Variants in PWWP3B observed in about 807,000 individuals in gnomAD.
The protein encoded by PWWP3B is PWWP domain containing 3B, also known as PWWP domain-containing DNA repair factor 3B.
PWWP3B carries 5 observed loss-of-function variants against 15.7 expected under a neutral mutation model. The observed-to-expected ratio is 0.32, with a 90% CI of 0.17 to 0.67. The LOEUF (loss-of-function observed/expected upper bound fraction) is 0.67. Ranked by LOEUF, PWWP3B falls within the 30% of genes least tolerant of loss-of-function variation. The pLI is 0.74. For missense variants in PWWP3B, 519 were observed against 493.1 expected (o/e 1.05, Z -0.50); for synonymous variants, 203 against 179.8 (o/e 1.13, Z -1.03).
At chrX:106,184,510 C>G (rs916871037) in intron 2 of PWWP3B, among the ~76,000 whole-genome samples, 2 of 111,436 alleles carry the variant, frequency 1.8e-5, no homozygotes, top group Admixed American at 1.9e-4. Context: ...CAGTAGGGAT[C>G]CATTACCGGG....
chrX:106,195,939 C>G (rs1923350860), intron 2 of PWWP3B, among the ~76,000 whole-genome samples: 1 of 111,387 alleles, frequency 9.0e-6, no homozygotes, highest in Admixed American at 9.6e-5. Context: ...TGGTATATTT[C>G]TCTATTTATT....
At chrX:106,192,969 G>A (rs1018954801) in intron 2 of PWWP3B, among the ~76,000 whole-genome samples, 17 of 111,399 alleles carry the variant, frequency 1.5e-4, no homozygotes, top group Non-Finnish European at 2.6e-4. Flanking sequence ...CAACTATGTG[G>A]TCAATTTTGG....
chrX:106,203,750 A>T (rs1179854662), intron 2 of PWWP3B, among the ~76,000 whole-genome samples: 1 of 111,762 alleles, frequency 8.9e-6, no homozygotes, highest in Admixed American at 9.5e-5. Flanking sequence ...TCTCCACTCC[A>T]CCATACTTTT....
At chrX:106,183,078 A>G (rs776441134) in intron 2 of PWWP3B, among the ~76,000 whole-genome samples, 1 of 110,887 alleles carries the variant, frequency 9.0e-6, no homozygotes, top group Non-Finnish European at 1.9e-5. Flanking sequence ...GGTGAATCCA[A>G]GATTCCACTC....
chrX:106,171,929 G>A (rs755594540), intron 2 of PWWP3B, among the ~76,000 whole-genome samples: 4 of 110,442 alleles, frequency 3.6e-5, no homozygotes, highest in Non-Finnish European at 5.7e-5. Flanking sequence ...CCTATTTTAC[G>A]ATTAACATTT....
At chrX:106,203,007 ATT>A (rs1403825753) in intron 2 of PWWP3B, among the ~76,000 whole-genome samples, 1 of 111,381 alleles carries the variant, frequency 9.0e-6, no homozygotes, top group African/African-American at 3.3e-5. Flanking sequence ...TCGGGGAAAT[ATT>A]GAGATAAATG....
chrX:106,174,071 G>A (rs1921761634), intron 2 of PWWP3B, among the ~76,000 whole-genome samples: 1 of 112,109 alleles, frequency 8.9e-6, no homozygotes. Context: ...TCATTTTAAA[G>A]TTGCTTACCA....
chrX:106,181,330 G>A (rs748884311), intron 2 of PWWP3B, among the ~76,000 whole-genome samples: 6 of 111,422 alleles, frequency 5.4e-5, no homozygotes, highest in East Asian at 2.8e-4. Flanking sequence ...ATTTGTCCCC[G>A]CCCACGTCGT....
At chrX:106,173,752 T>A (rs776085516) in intron 2 of PWWP3B, among the ~76,000 whole-genome samples, 1 of 111,920 alleles carries the variant, frequency 8.9e-6, no homozygotes, top group South Asian at 3.7e-4. Context: ...ATTGTATTTT[T>A]AAATATATTA....
rs1392828635 is a variant in PWWP3B at position 106,204,839 on chromosome X, T to C, written c.-214-380T>C. Among the ~76,000 whole-genome samples, 7 of 111,835 alleles carry C rather than the reference T, an allele frequency of 6.3e-5. No individual in the cohort carries two copies. The South Asian group carries it at 1.5e-3, about 24-fold the overall frequency. On this transcript the variant is annotated intron_variant, in intron 3 of 3. Transcript: ENST00000357175. ...GAAATATAAGTCCTTCAGATGATTC[T>C]GACACATGTTAAGTTTGGAGACCCA...
At position 106,207,480 on chromosome X, in the gene PWWP3B, T is replaced by C. The variant is rs1195544307; in HGVS notation, c.2048T>C (p.Ile683Thr). Reference sequence around the variant, plus strand: ...AGAGAATTATTTGATGCAAAAATAATATATGAAAAGAGACGAAAAGCACCA... The same window carrying C: ...AGAGAATTATTTGATGCAAAAATAACATATGAAAAGAGACGAAAAGCACCA... ...RERELFDAKI[I>T]YEKRRKAPTN... The change falls in exon 4 of 4, where the codon ATA becomes ACA. Residue 683 changes from isoleucine (I) to threonine (T), a missense_variant. Ile to Thr is a moderately conservative substitution (Grantham distance 89, BLOSUM62 -1). Coordinates refer to ENST00000357175, the MANE Select transcript of PWWP3B (RefSeq NM_001171020.2). 2.6e-6 allele frequency: 3 copies of C among 1,153,417 alleles called. No individual in the cohort carries two copies. The highest frequency in any genetic ancestry group is 3.3e-5 in the East Asian group (1 of 30,616).
chrX:106,179,308 C>T (rs1207323161), intron 2 of PWWP3B, among the ~76,000 whole-genome samples: 4 of 111,868 alleles, frequency 3.6e-5, no homozygotes, highest in Non-Finnish European at 7.5e-5. Context: ...ATTGTCCTTT[C>T]CCTTCTCTCC....
intron 2 of PWWP3B, among the ~76,000 whole-genome samples, chrX:106,173,998 C>T (rs1019752325): frequency 1.8e-5 from 2 of 111,680 alleles, no homozygotes; most frequent in Non-Finnish European, 3.8e-5. Flanking sequence ...TGGTGATAAA[C>T]TCTTACAAGC....
intron 2 of PWWP3B, among the ~76,000 whole-genome samples, chrX:106,203,652 C>T (rs1602871608): frequency 8.9e-6 from 1 of 111,973 alleles, no homozygotes; most frequent in East Asian, 2.8e-4. Context: ...AAGAAAAATT[C>T]CACATGATAA....
chrX:106,203,254 A>G (rs992744160), intron 2 of PWWP3B, among the ~76,000 whole-genome samples: 10 of 111,820 alleles, frequency 8.9e-5, no homozygotes, highest in Non-Finnish European at 1.7e-4. Context: ...ACCTTTTTGC[A>G]TCTTCTCAAT....
chrX:106,207,366 T>G lies in PWWP3B; in HGVS notation c.1934T>G (p.Ile645Ser). ...FILEVLLPEAIICSISAVDGL... is the reference protein window; with the variant it reads ...FILEVLLPEASICSISAVDGL... ...CTAGAAGTTCTTCTGCCAGAAGCAA[T>G]TATTTGTTCAATTTCTGCTGTTGAT... Residue 645 changes from isoleucine to serine, a missense_variant, in exon 4 of 4, where the codon ATT (isoleucine) becomes AGT (serine). By Grantham distance (142) the Ile-to-Ser change is moderately radical. Transcript: ENST00000357175. 1 of 1,182,036 alleles carries G rather than the reference T, an allele frequency of 8.5e-7. No individual in the cohort carries two copies.
intron 2 of PWWP3B, among the ~76,000 whole-genome samples, chrX:106,172,345 T>G (rs1168841493): frequency 8.9e-6 from 1 of 111,763 alleles, no homozygotes; most frequent in African/African-American, 3.2e-5. Context: ...TTTTAACACT[T>G]TTGTAATAAT....
chrX:106,192,581 T>C (rs1923064201), intron 2 of PWWP3B, among the ~76,000 whole-genome samples: 1 of 111,627 alleles, frequency 9.0e-6, no homozygotes, highest in Non-Finnish European at 1.9e-5. Context: ...TGCCTTCTGC[T>C]AGCTTTTGAA....
chrX:106,207,204 G>T lies in PWWP3B; in HGVS notation c.1772G>T (p.Arg591Met), dbSNP rs1332245928. ...RWLKSFLNANRFTPCIETYFE... is the reference protein window; with the variant it reads ...RWLKSFLNANMFTPCIETYFE... ...CTGAAATCATTTTTGAATGCAAATA[G>T]GTTCACACCCTGTATTGAAACATAC... The change falls in exon 4 of 4, where the codon AGG becomes ATG. Residue 591 changes from arginine (R) to methionine (M), a missense_variant. Transcript: ENST00000357175. 8.3e-7 allele frequency: 1 copy of T among 1,208,676 alleles called. No individual in the cohort carries two copies. The highest frequency in any genetic ancestry group is 1.1e-6 in the Non-Finnish European group (1 of 893,764).
Sources: allele counts gnomAD v4.1 joint callset (sites outside exome capture counted in the v4.1 genomes callset), GRCh38; gene constraint gnomAD v4.1.1; transcripts MANE v1.5; gene names NCBI Gene and HGNC (gene_info 2026-07-23, HGNC 2026-07-21).